Variants in NPAS3 observed in about 807,000 individuals in gnomAD.
The protein encoded by NPAS3 is neuronal PAS domain protein 3, also known as neuronal PAS domain-containing protein 3.
In NPAS3, 14 loss-of-function variants were observed where a neutral mutation model predicts 73.1. That is an observed-to-expected ratio of 0.19 (90% CI 0.13 to 0.30). The LOEUF (loss-of-function observed/expected upper bound fraction) is 0.30, where lower values mean the gene tolerates loss of function less well. Ranked by LOEUF, NPAS3 falls within the 10% of genes least tolerant of loss-of-function variation. The pLI is 1.00. For missense variants in NPAS3, 1,096 were observed against 1,250.0 expected, an observed-to-expected ratio of 0.88 and a Z score of 1.86; for synonymous variants, 620 against 541.5, an observed-to-expected ratio of 1.14 and a Z score of -2.01.
intron 3 of NPAS3, among the ~76,000 whole-genome samples, chr14:33,249,926 A>ACG (rs2048522036): frequency 6.6e-6 from 1 of 151,780 alleles, no homozygotes; most frequent in Non-Finnish European, 1.5e-5. Flanking sequence ...ACACACACAC[A>ACG]CACACACACA....
At chr14:33,063,972 A>G (rs1365395056) in intron 2 of NPAS3, among the ~76,000 whole-genome samples, 1 of 151,972 alleles carries the variant, frequency 6.6e-6, no homozygotes, top group East Asian at 1.9e-4. Context: ...TTAAAGTTCC[A>G]AAAGGAACAC....
At chr14:33,658,131 T>G (rs2059201834) in intron 5 of NPAS3, among the ~76,000 whole-genome samples, 1 of 152,234 alleles carries the variant, frequency 6.6e-6, no homozygotes, top group South Asian at 2.1e-4. Flanking sequence ...TGAGGGGAAC[T>G]GTTTATGTGC....
chr14:33,205,187 G>C (rs2046777984), intron 2 of NPAS3, among the ~76,000 whole-genome samples: 1 of 152,086 alleles, frequency 6.6e-6, no homozygotes, highest in Admixed American at 6.5e-5. Context: ...TATAGATAAA[G>C]ATATATAGCT....
intron 3 of NPAS3, among the ~76,000 whole-genome samples, chr14:33,225,677 T>C (rs1450776024): frequency 6.6e-6 from 1 of 152,210 alleles, no homozygotes; most frequent in African/African-American, 2.4e-5. Context: ...AAGAGTTTTT[T>C]TCAACTATTT....
At chr14:33,119,754 C>T (rs1227592098) in intron 2 of NPAS3, among the ~76,000 whole-genome samples, 5 of 152,142 alleles carry the variant, frequency 3.3e-5, no homozygotes, top group South Asian at 4.1e-4. Context: ...CTATTGTTCA[C>T]GCCCTACTCC....
intron 4 of NPAS3, among the ~76,000 whole-genome samples, chr14:33,383,713 C>T (rs2046654727): frequency 6.6e-6 from 1 of 152,110 alleles, no homozygotes; most frequent in South Asian, 2.1e-4. Flanking sequence ...CATGAATGCA[C>T]CTAGGAGGAA....
intron 5 of NPAS3, among the ~76,000 whole-genome samples, chr14:33,668,760 A>T (rs1056369383): frequency 5.3e-5 from 8 of 152,218 alleles, no homozygotes; most frequent in Non-Finnish European, 5.9e-5. Flanking sequence ...CGGAGGTTGC[A>T]GAGAGCTGAG....
intron 4 of NPAS3, among the ~76,000 whole-genome samples, chr14:33,457,529 A>C (rs1439316462): frequency 6.6e-6 from 1 of 152,134 alleles, no homozygotes; most frequent in African/African-American, 2.4e-5. Context: ...GCCTCCCACT[A>C]CTGAGGAGGA....
intron 3 of NPAS3, among the ~76,000 whole-genome samples, chr14:33,267,259 G>A (rs1325256178): frequency 6.6e-6 from 1 of 152,108 alleles, no homozygotes; most frequent in African/African-American, 2.4e-5. Context: ...CCAGCTCATT[G>A]TACTTTCTAT....
intron 5 of NPAS3, among the ~76,000 whole-genome samples, chr14:33,650,741 CCTCTCT>C (rs10658218): frequency 2.6e-4 from 39 of 148,434 alleles, no homozygotes; most frequent in East Asian, 4.0e-4. Flanking sequence ...AAAATCTTTT[CCTCTCT>C]CTCTCTCTCT....
intron 5 of NPAS3, among the ~76,000 whole-genome samples, chr14:33,639,004 G>A (rs1321860503): frequency 6.6e-6 from 1 of 152,176 alleles, no homozygotes; most frequent in Non-Finnish European, 1.5e-5. Context: ...CCTTGGTTTT[G>A]TTCTACTCAG....
intron 5 of NPAS3, among the ~76,000 whole-genome samples, chr14:33,567,744 G>A (rs1456263557): frequency 6.6e-6 from 1 of 152,188 alleles, no homozygotes; most frequent in Admixed American, 6.5e-5. Flanking sequence ...TATTACAGGT[G>A]CATTTCTTTC....
intron 5 of NPAS3, among the ~76,000 whole-genome samples, chr14:33,643,375 TAAAAAAA>T (rs755879056): frequency 1.9e-4 from 18 of 94,638 alleles, no homozygotes; most frequent in African/African-American, 6.4e-4. Flanking sequence ...AAATAAAAAT[TAAAAAAA>T]AAAAAAAAAA....
chr14:33,424,894 G>A (rs1196656486), intron 4 of NPAS3, among the ~76,000 whole-genome samples: 1 of 151,990 alleles, frequency 6.6e-6, no homozygotes, highest in Non-Finnish European at 1.5e-5. Context: ...AGATGGAATT[G>A]AAGCAACTCA....
At chr14:33,645,181 A>G (rs749569284) in intron 5 of NPAS3, among the ~76,000 whole-genome samples, 1 of 152,186 alleles carries the variant, frequency 6.6e-6, no homozygotes, top group South Asian at 2.1e-4. Flanking sequence ...AGTGCCTGAA[A>G]TGGAAAGGGT....
At chr14:33,056,084 C>T (rs1303967485) in intron 2 of NPAS3, 90 bp downstream of exon 2, 6 of 557,150 alleles carry the variant, frequency 1.1e-5, no homozygotes, top group African/African-American at 1.0e-4. Context: ...GTATTGAAAC[C>T]TTCTTTTTAT....
At chr14:33,755,899 A>G (rs1249051613) in intron 7 of NPAS3, among the ~76,000 whole-genome samples, 8 of 152,146 alleles carry the variant, frequency 5.3e-5, no homozygotes, top group Admixed American at 5.2e-4. Flanking sequence ...GAAGCAAGCA[A>G]GACAGTGGGA....
At chr14:33,033,428 G>A (rs151196881) in intron 1 of NPAS3, among the ~76,000 whole-genome samples, 31 of 152,086 alleles carry the variant, frequency 2.0e-4, no homozygotes, top group African/African-American at 6.3e-4. Context: ...GCAGTGAGCC[G>A]GGATTGCGCC....
intron 4 of NPAS3, among the ~76,000 whole-genome samples, chr14:33,396,522 T>C (rs1414757039): frequency 1.3e-5 from 2 of 152,212 alleles, no homozygotes; most frequent in Non-Finnish European, 2.9e-5. Flanking sequence ...ATATTTCAAG[T>C]CTATTTCACC....
Sources: allele counts gnomAD v4.1 joint callset (sites outside exome capture counted in the v4.1 genomes callset), GRCh38; gene constraint gnomAD v4.1.1; transcripts MANE v1.5; gene names NCBI Gene and HGNC (gene_info 2026-07-23, HGNC 2026-07-21).